CTDSPL: variants seen among roughly 807,000 people sequenced by gnomAD.
The protein encoded by CTDSPL is CTD small phosphatase like.
In CTDSPL, 8 loss-of-function variants were observed where a neutral mutation model predicts 30.5. The ratio of observed to expected loss-of-function variants is 0.26; its 90% CI spans 0.15 to 0.47. The LOEUF (loss-of-function observed/expected upper bound fraction) is 0.47. Ranked by LOEUF, CTDSPL falls within the 20% of genes least tolerant of loss-of-function variation. The pLI is 0.99. For synonymous variants in CTDSPL, 110 were observed against 137.9 expected (o/e 0.80, Z 1.42); for missense variants, 248 against 366.1 (o/e 0.68, Z 2.63).
At chr3:37,900,959 G>A (rs1698443593) in intron 1 of CTDSPL, among the ~76,000 whole-genome samples, 2 of 152,024 alleles carry the variant, frequency 1.3e-5, no homozygotes, top group South Asian at 2.1e-4. Context: ...CACCACGCCG[G>A]CTAATTTTTG....
chr3:37,898,783 C>T (rs1698416975), intron 1 of CTDSPL, among the ~76,000 whole-genome samples: 1 of 152,058 alleles, frequency 6.6e-6, no homozygotes, highest in Admixed American at 6.6e-5. Context: ...TAATTAATTA[C>T]AGATTATGTA....
In CTDSPL at chr3:37,984,207, C is replaced by T; in HGVS notation, c.*3340C>T. On this transcript the variant is annotated 3_prime_UTR_variant, in exon 8 of 8. Coordinates refer to ENST00000273179, the MANE Select transcript of CTDSPL (RefSeq NM_001008392.2). The stretch of plus-strand genomic sequence containing the variant: ...GCTGGCTGCCTCTGTTCCTACTGTA[C>T]TGTAACTTTGATCATGTCTGTTCCT... 4.4e-6 allele frequency: 2 copies of T among 456,854 alleles called. No homozygotes were observed. The highest frequency in any genetic ancestry group is 8.8e-6 in the Non-Finnish European group (2 of 227,004). 28.3% of individuals were successfully genotyped at this position (456,854 alleles called of 1,614,324 possible). A position where few individuals can be genotyped will look rare whatever the true frequency, so the allele number is the denominator to read the frequency against.
At position 37,862,921 on chromosome 3, in the gene CTDSPL, G is replaced by A. The variant is rs1697961484; in HGVS notation, c.79+643G>A. Among the ~76,000 whole-genome samples the A allele has an allele frequency of 6.6e-6, 1 of 152,152 alleles. No homozygotes were observed. The highest frequency in any genetic ancestry group is 2.4e-5 in the African/African-American group (1 of 41,426). On this transcript the variant is annotated intron_variant, in intron 1 of 7. Coordinates refer to ENST00000273179, the MANE Select transcript of CTDSPL (RefSeq NM_001008392.2). This position sits in a 1 kb window ranked among gnomAD's most constrained non-coding sequence, Gnocchi z 4.3. ...ATTGAATGTGTTGTATACATCTACT[G>A]GGAGGGCGTGTGTGTGTGTAAATTG...
chr3:37,952,641 C>T (rs1699123343), intron 2 of CTDSPL, among the ~76,000 whole-genome samples: 1 of 152,218 alleles, frequency 6.6e-6, no homozygotes, highest in African/African-American at 2.4e-5. Flanking sequence ...TATCTGATGA[C>T]AGGTATATTC....
chr3:37,867,127 C>T (rs984674338), intron 1 of CTDSPL, among the ~76,000 whole-genome samples: 3 of 152,048 alleles, frequency 2.0e-5, no homozygotes, highest in Admixed American at 2.0e-4. Flanking sequence ...CCACCCTGCT[C>T]CATATCCCAC....
chr3:37,877,680 C>CTATAAAGGAATACCCGAGATGGGTAATT (rs372180283), intron 1 of CTDSPL, among the ~76,000 whole-genome samples: 4 of 152,088 alleles, frequency 2.6e-5, no homozygotes, highest in Non-Finnish European at 5.9e-5. Context: ...TTTTGCATTG[C>CTATAAAGGAATACCCGAGATGGGTAATT]TATAAAGAAA....
At chr3:37,951,236 C>G (rs889206310) in intron 2 of CTDSPL, among the ~76,000 whole-genome samples, 1 of 152,030 alleles carries the variant, frequency 6.6e-6, no homozygotes, top group Admixed American at 6.6e-5. Context: ...GGCATGGTGG[C>G]GGGCACCTGT....
chr3:37,979,311 G>GA (rs970875188), intron 7 of CTDSPL, among the ~76,000 whole-genome samples: 29 of 144,042 alleles, frequency 2.0e-4, no homozygotes, highest in South Asian at 6.8e-4. Flanking sequence ...AAAAAAAAAA[G>GA]AAAAAAAAAA....
intron 1 of CTDSPL, among the ~76,000 whole-genome samples, chr3:37,865,065 C>CA (rs1381445132): frequency 7.2e-5 from 11 of 152,270 alleles, no homozygotes; most frequent in African/African-American, 2.6e-4. Flanking sequence ...TGTTTTGCAC[C>CA]AAGTTGAATT....
At chr3:37,908,224 G>A (rs988293449) in intron 1 of CTDSPL, among the ~76,000 whole-genome samples, 4 of 152,198 alleles carry the variant, frequency 2.6e-5, no homozygotes, top group Non-Finnish European at 4.4e-5. Flanking sequence ...GGTAGCCCCC[G>A]CCAAGTGGGC....
At chr3:37,928,675 T>TTTGGATACTCTTTTATTGGATATA (rs1250876078) in intron 1 of CTDSPL, among the ~76,000 whole-genome samples, 1 of 152,204 alleles carries the variant, frequency 6.6e-6, no homozygotes, top group East Asian at 1.9e-4. Context: ...TTTATATTTT[T>TTTGGATACTCTTTTATTGGATATA]TTGGATACTC....
chr3:37,900,971 A>G (rs779166878), intron 1 of CTDSPL, among the ~76,000 whole-genome samples: 11 of 151,954 alleles, frequency 7.2e-5, no homozygotes, highest in Non-Finnish European at 1.5e-4. Context: ...TAATTTTTGT[A>G]TTTATAGTAG....
intron 7 of CTDSPL, among the ~76,000 whole-genome samples, chr3:37,980,115 ATC>A (rs1267549409): frequency 6.6e-6 from 1 of 152,144 alleles, no homozygotes; most frequent in Admixed American, 6.5e-5. Context: ...TTGTTTATAA[ATC>A]TCTCCTTTGT....
intron 1 of CTDSPL, among the ~76,000 whole-genome samples, chr3:37,868,414 G>A (rs1418088967): frequency 6.6e-6 from 1 of 151,936 alleles, no homozygotes; most frequent in Non-Finnish European, 1.5e-5. Flanking sequence ...TTTAAATTTT[G>A]ATAAGGTGCA....
In CTDSPL at chr3:37,982,863, C is replaced by A; in HGVS notation, c.*1996C>A. ...TTGAATGTTGCAGTCAAGTGTCTGTCATGTGTTGATATCCACACAGAATTA... is the reference window on the plus strand; with the variant it reads ...TTGAATGTTGCAGTCAAGTGTCTGTAATGTGTTGATATCCACACAGAATTA... On this transcript the variant is annotated 3_prime_UTR_variant, in exon 8 of 8. Transcript: ENST00000273179. The A allele has an allele frequency of 2.8e-6, 1 of 351,736 alleles. No individual in the cohort carries two copies. Among genetic ancestry groups the A allele is most frequent in the South Asian group, 2.2e-5 (1 of 46,316 alleles). 21.8% of individuals were successfully genotyped at this position (351,736 alleles called of 1,614,324 possible).
intron 1 of CTDSPL, among the ~76,000 whole-genome samples, chr3:37,939,221 G>A (rs1470835831): frequency 2.0e-5 from 3 of 150,162 alleles, no homozygotes; most frequent in Non-Finnish European, 1.5e-5. Context: ...TGAAGCTGCT[G>A]GTAGATTTTC....
At chr3:37,871,820 C>T (rs1315391752) in intron 1 of CTDSPL, among the ~76,000 whole-genome samples, 1 of 152,118 alleles carries the variant, frequency 6.6e-6, no homozygotes, top group Non-Finnish European at 1.5e-5. Flanking sequence ...CTTTTCTCCC[C>T]TATGTTGTTC....
chr3:37,957,179 G>A (rs1699184430), intron 3 of CTDSPL, 36 bp downstream of exon 3: 1 of 1,463,852 alleles, frequency 6.8e-7, no homozygotes, highest in Non-Finnish European at 9.3e-7. Flanking sequence ...TATTAAAACA[G>A]TCATAAAATC....
At chr3:37,866,416 G>A (rs1055206018) in intron 1 of CTDSPL, among the ~76,000 whole-genome samples, 2 of 152,060 alleles carry the variant, frequency 1.3e-5, no homozygotes, top group Admixed American at 1.3e-4. Context: ...TATTCCTCTG[G>A]GAGAAGACTG....
Sources: allele counts gnomAD v4.1 joint callset (sites outside exome capture counted in the v4.1 genomes callset), GRCh38; gene constraint gnomAD v4.1.1; non-coding constraint Gnocchi (gnomAD v3.1); transcripts MANE v1.5; gene names NCBI Gene and HGNC (gene_info 2026-07-23, HGNC 2026-07-21).